NRXN1: variants seen among roughly 807,000 people sequenced by gnomAD.
NRXN1 encodes neurexin-1.
Under a neutral mutation model 150.9 loss-of-function variants are expected in NRXN1, and 39 were observed. That is an observed-to-expected ratio of 0.26 (90% CI 0.20 to 0.34). The LOEUF (loss-of-function observed/expected upper bound fraction) is 0.34, where lower values mean the gene tolerates loss of function less well. Among genes scored for constraint, NRXN1 ranks in the 10% least tolerant of loss-of-function variants. The pLI is 1.00. For missense variants in NRXN1, 1,815 were observed against 1,949.9 expected, an observed-to-expected ratio of 0.93 and a Z score of 1.30; for synonymous variants, 924 against 757.0, an observed-to-expected ratio of 1.22 and a Z score of -3.62.
At chr2:50,656,035 G>C (rs1686407425) in intron 5 of NRXN1, among the ~76,000 whole-genome samples, 1 of 151,882 alleles carries the variant, frequency 6.6e-6, no homozygotes, top group African/African-American at 2.4e-5. Flanking sequence ...AAATCTGTCA[G>C]TTGTACCATC....
At chr2:50,210,747 T>C (rs752936247) in intron 18 of NRXN1, among the ~76,000 whole-genome samples, 1 of 151,510 alleles carries the variant, frequency 6.6e-6, no homozygotes. Context: ...TAGTAGAAAA[T>C]AGATAATGTA....
chr2:51,030,120 T>A lies in NRXN1; in HGVS notation c.-921-926A>T, dbSNP rs1356457194. On this transcript the variant is annotated intron_variant, in intron 1 of 22. Coordinates refer to ENST00000401669, the MANE Select transcript of NRXN1 (RefSeq NM_001330078.2). The stretch of plus-strand genomic sequence containing the variant: ...AAATCATAATCACTGATTTTTTTCC[T>A]AAGTCATTTTTTAACCAAAAAATTA... Among the ~76,000 whole-genome samples the A allele has an allele frequency of 2.6e-5, 4 of 152,078 alleles. No individual in the cohort carries two copies. The East Asian group carries it at 5.8e-4, about 22-fold the overall frequency.
intron 5 of NRXN1, among the ~76,000 whole-genome samples, chr2:50,777,396 G>C (rs1224009555): frequency 1.3e-5 from 2 of 152,110 alleles, no homozygotes; most frequent in East Asian, 3.9e-4. Context: ...ACCAGGGCTA[G>C]CAAGGGAGTC....
intron 18 of NRXN1, among the ~76,000 whole-genome samples, chr2:50,164,178 A>G (rs1217833398): frequency 2.0e-5 from 3 of 152,224 alleles, no homozygotes; most frequent in Non-Finnish European, 2.9e-5. Flanking sequence ...CTAATAAATT[A>G]GATACATTTA....
chr2:50,676,654 T>A (rs939617376), intron 5 of NRXN1, among the ~76,000 whole-genome samples: 3 of 152,164 alleles, frequency 2.0e-5, no homozygotes, highest in Admixed American at 6.6e-5. Context: ...TTAGCTCTAA[T>A]GATAACAGTA....
chr2:50,952,212 C>G (rs1273710576), intron 2 of NRXN1, among the ~76,000 whole-genome samples: 1 of 151,356 alleles, frequency 6.6e-6, no homozygotes, highest in Non-Finnish European at 1.5e-5. Context: ...GTGATCCGCC[C>G]GCCTCGGCCT....
In NRXN1 at chr2:49,919,118, A is replaced by T. The variant is rs930586574; in HGVS notation, c.*2826T>A. Reference sequence around the variant, plus strand: ...AAAGGCAACACATTACATGGATAAAAAAGAAGCATAATCAATCAGAAAAGT... The same window carrying T: ...AAAGGCAACACATTACATGGATAAATAAGAAGCATAATCAATCAGAAAAGT... On this transcript the variant is annotated 3_prime_UTR_variant, in exon 23 of 23. Coordinates refer to ENST00000401669, the MANE Select transcript of NRXN1 (RefSeq NM_001330078.2). 3.3e-5 allele frequency: 5 copies of T among 152,118 alleles called. No individual in the cohort carries two copies. Among genetic ancestry groups the T allele is most frequent in the African/African-American group, 1.2e-4 (5 of 41,442 alleles). 9.4% of individuals were successfully genotyped at this position (152,118 alleles called of 1,614,324 possible). A position where few individuals can be genotyped will look rare whatever the true frequency, so the allele number is the denominator to read the frequency against.
At chr2:50,861,333 C>A (rs1229635637) in intron 5 of NRXN1, among the ~76,000 whole-genome samples, 1 of 152,100 alleles carries the variant, frequency 6.6e-6, no homozygotes, top group Non-Finnish European at 1.5e-5. Context: ...CCACCTCGGC[C>A]TTCCAAAGTA....
intron 21 of NRXN1, among the ~76,000 whole-genome samples, chr2:50,010,685 T>G (rs2152544725): frequency 6.6e-6 from 1 of 152,180 alleles, no homozygotes; most frequent in South Asian, 2.1e-4. Flanking sequence ...TTGTTTTTGG[T>G]TACACAGCCC....
intron 2 of NRXN1, among the ~76,000 whole-genome samples, chr2:51,018,804 T>C (rs990314614): frequency 6.6e-6 from 1 of 152,196 alleles, no homozygotes; most frequent in African/African-American, 2.4e-5. Context: ...AAATAATAAG[T>C]TTTTCATCAA....
At chr2:50,340,864 A>C (rs191955922) in intron 17 of NRXN1, among the ~76,000 whole-genome samples, 184 of 152,340 alleles carry the variant, frequency 1.2e-3, no homozygotes, top group Non-Finnish European at 2.0e-3. Context: ...ACTGTAGCAT[A>C]AATGAGTCAT....
intron 21 of NRXN1, among the ~76,000 whole-genome samples, chr2:50,018,000 T>C (rs1475446992): frequency 6.6e-6 from 1 of 152,166 alleles, no homozygotes. Flanking sequence ...AAGGAAGATG[T>C]CGATTTAAAT....
intron 5 of NRXN1, among the ~76,000 whole-genome samples, chr2:50,801,201 G>C (rs578166650): frequency 6.6e-6 from 1 of 151,984 alleles, no homozygotes; most frequent in Non-Finnish European, 1.5e-5. Flanking sequence ...TTCCAATATA[G>C]TGAGGTTTTT....
chr2:50,287,176 T>A (rs933015279), intron 17 of NRXN1, among the ~76,000 whole-genome samples: 3 of 152,146 alleles, frequency 2.0e-5, no homozygotes, highest in African/African-American at 7.2e-5. Context: ...TTACGTTCAG[T>A]GCTTTACATG....
chr2:50,669,343 G>C (rs1354395089), intron 5 of NRXN1, among the ~76,000 whole-genome samples: 1 of 151,858 alleles, frequency 6.6e-6, no homozygotes, highest in African/African-American at 2.4e-5. Flanking sequence ...GTCCCAGAGA[G>C]GTTTTGGAGT....
intron 7 of NRXN1, among the ~76,000 whole-genome samples, chr2:50,620,605 C>T (rs374339436): frequency 5.9e-5 from 9 of 152,204 alleles, no homozygotes; most frequent in South Asian, 2.1e-4. Flanking sequence ...ACATAAAAGG[C>T]GCAAGCTATT....
At chr2:50,055,319 T>C (rs1290308927) in intron 19 of NRXN1, among the ~76,000 whole-genome samples, 3 of 152,204 alleles carry the variant, frequency 2.0e-5, no homozygotes, top group African/African-American at 4.8e-5. Context: ...GAACAACCAA[T>C]TTAAACAGCA....
chr2:50,382,994 C>CT (rs1357738453), intron 17 of NRXN1, among the ~76,000 whole-genome samples: 3 of 152,058 alleles, frequency 2.0e-5, no homozygotes, highest in Non-Finnish European at 4.4e-5. Flanking sequence ...ATTATCTTGC[C>CT]TTTTTTTATT....
intron 5 of NRXN1, among the ~76,000 whole-genome samples, chr2:50,664,438 T>G (rs1183083270): frequency 1.5e-5 from 2 of 130,468 alleles, no homozygotes; most frequent in South Asian, 5.2e-4. Context: ...TGTGTGTGTG[T>G]GGCGTGGCGG....
Sources: allele counts gnomAD v4.1 joint callset (sites outside exome capture counted in the v4.1 genomes callset), GRCh38; gene constraint gnomAD v4.1.1; transcripts MANE v1.5; gene names NCBI Gene and HGNC (gene_info 2026-07-23, HGNC 2026-07-21).